CSMD1: variants seen among roughly 807,000 people sequenced by gnomAD.
CSMD1 encodes CUB and sushi domain-containing protein 1.
Under a neutral mutation model 417.5 loss-of-function variants are expected in CSMD1, and 213 were observed. The ratio of observed to expected loss-of-function variants is 0.51; its 90% CI spans 0.46 to 0.57. The LOEUF is 0.57. Ranked by LOEUF, CSMD1 falls within the 20% of genes least tolerant of loss-of-function variation. The pLI is 0.00. For synonymous variants in CSMD1, 2,862 were observed against 1,736.8 expected (o/e 1.65, Z -16.11); for missense variants, 6,923 against 4,529.7 (o/e 1.53, Z -15.17).
At chr8:3,119,985 G>C (rs900321503) in intron 41 of CSMD1, among the ~76,000 whole-genome samples, 3 of 152,172 alleles carry the variant, frequency 2.0e-5, no homozygotes, top group Non-Finnish European at 4.4e-5. Flanking sequence ...GGAGAATGAA[G>C]TGAAATGGAA....
At chr8:3,096,543 G>C (rs950240243) in intron 47 of CSMD1, among the ~76,000 whole-genome samples, 2 of 152,028 alleles carry the variant, frequency 1.3e-5, no homozygotes, top group African/African-American at 4.8e-5. Context: ...CTCCATGATT[G>C]TGAGGTCTCC....
At chr8:2,968,131 T>C (rs1286722651) in intron 57 of CSMD1, among the ~76,000 whole-genome samples, 1 of 152,198 alleles carries the variant, frequency 6.6e-6, no homozygotes, top group South Asian at 2.1e-4. Context: ...AGTTTTATGA[T>C]AACTATACTA....
At chr8:3,981,998 C>T (rs1016822437) in intron 5 of CSMD1, among the ~76,000 whole-genome samples, 12 of 151,814 alleles carry the variant, frequency 7.9e-5, no homozygotes, top group Admixed American at 2.0e-4. Context: ...GGTGAAACCC[C>T]GTCTCTACTA....
intron 1 of CSMD1, among the ~76,000 whole-genome samples, chr8:4,976,889 A>G (rs1291072143): frequency 6.6e-6 from 1 of 152,158 alleles, no homozygotes; most frequent in Non-Finnish European, 1.5e-5. Flanking sequence ...ATTGCTGGTC[A>G]GCTATAAACA....
intron 3 of CSMD1, among the ~76,000 whole-genome samples, chr8:4,378,063 T>A (rs1056965197): frequency 4.6e-5 from 7 of 152,204 alleles, no homozygotes; most frequent in Admixed American, 1.3e-4. Flanking sequence ...CACTACTCAT[T>A]CAATTACAGA....
chr8:4,804,441 T>A lies in CSMD1; in HGVS notation c.86-166883A>T, dbSNP rs1041526857. Among the ~76,000 whole-genome samples, 4 of 151,822 alleles carry A rather than the reference T, an allele frequency of 2.6e-5. No individual in the cohort carries two copies. The East Asian group carries it at 7.8e-4, about 30-fold the overall frequency. ...ATTACTGAATAAATTGCCAGTCATA[T>A]ACAGACTTCGGTGTAGATTTTTTTT... On this transcript the variant is annotated intron_variant, in intron 1 of 69. Coordinates refer to ENST00000635120, the MANE Select transcript of CSMD1 (RefSeq NM_033225.6).
chr8:4,043,766 C>G (rs1455397794), intron 3 of CSMD1, among the ~76,000 whole-genome samples: 1 of 152,150 alleles, frequency 6.6e-6, no homozygotes, highest in African/African-American at 2.4e-5. Flanking sequence ...TGAGCTCTTT[C>G]AAATGCTGGA....
chr8:4,555,399 C>T (rs1178835147), intron 2 of CSMD1, among the ~76,000 whole-genome samples: 1 of 152,098 alleles, frequency 6.6e-6, no homozygotes, highest in Non-Finnish European at 1.5e-5. Context: ...TGGGTTTCCT[C>T]TCCAGCGCAG....
At chr8:3,497,560 C>T (rs942747552) in intron 10 of CSMD1, among the ~76,000 whole-genome samples, 3 of 152,078 alleles carry the variant, frequency 2.0e-5, no homozygotes, top group African/African-American at 4.8e-5. Context: ...TCAATATACC[C>T]AGCCATTTCA....
At chr8:3,045,785 T>C (rs988651874) in intron 50 of CSMD1, among the ~76,000 whole-genome samples, 3 of 152,232 alleles carry the variant, frequency 2.0e-5, no homozygotes, top group Non-Finnish European at 1.5e-5. Flanking sequence ...ACTGTATCCA[T>C]GACCTTCACC....
chr8:4,777,518 C>G (rs1796926672), intron 1 of CSMD1, among the ~76,000 whole-genome samples: 1 of 152,158 alleles, frequency 6.6e-6, no homozygotes, highest in Non-Finnish European at 1.5e-5. Context: ...CAGTGTATAC[C>G]TGAAACATAA....
At chr8:4,932,557 G>C (rs547767052) in intron 1 of CSMD1, among the ~76,000 whole-genome samples, 1 of 152,150 alleles carries the variant, frequency 6.6e-6, no homozygotes, top group Non-Finnish European at 1.5e-5. Context: ...AGCTTGTGAC[G>C]TGTGCTCTTG....
chr8:3,281,583 A>G (rs11993053), intron 26 of CSMD1, among the ~76,000 whole-genome samples: 114,284 of 152,038 alleles, frequency 0.75, 43,345 homozygotes, highest in Admixed American at 0.84. Context: ...ACAACATGAA[A>G]GGCCACACAC....
At chr8:4,893,391 ATTTT>A (rs534037001) in intron 1 of CSMD1, among the ~76,000 whole-genome samples, 1 of 151,264 alleles carries the variant, frequency 6.6e-6, no homozygotes, top group African/African-American at 2.4e-5. Context: ...TTAATACAGA[ATTTT>A]TTTTCTTAAT....
chr8:4,123,588 T>C (rs2130951410), intron 3 of CSMD1, among the ~76,000 whole-genome samples: 1 of 152,356 alleles, frequency 6.6e-6, no homozygotes, highest in South Asian at 2.1e-4. Context: ...TTAATTTCTA[T>C]GGTTTTTATC....
chr8:3,685,189 A>C (rs140525373), intron 7 of CSMD1, among the ~76,000 whole-genome samples: 20 of 152,334 alleles, frequency 1.3e-4, no homozygotes, highest in Admixed American at 3.9e-4. Context: ...ATCAAATCCA[A>C]AGTTGCAAAA....
chr8:3,789,876 T>C (rs997904297), intron 5 of CSMD1, among the ~76,000 whole-genome samples: 87 of 152,028 alleles, frequency 5.7e-4, no homozygotes, highest in Middle Eastern at 6.8e-3. Flanking sequence ...GGACTACAGC[T>C]GCCCACCACC....
At position 4,221,795 on chromosome 8, in the gene CSMD1, A is replaced by G. The variant is rs183513529; in HGVS notation, c.416-189696T>C. ...AGAAAATATACATTCTGAAAGGTGG[A>G]CCTCCAAATCTCCTTTTCCTACTTG... On this transcript the variant is annotated intron_variant, in intron 3 of 69. Coordinates refer to ENST00000635120, the MANE Select transcript of CSMD1 (RefSeq NM_033225.6). Among the ~76,000 whole-genome samples, 673 of 152,240 alleles carry G rather than the reference A, an allele frequency of 4.4e-3. 7 individuals are homozygous for G. The highest frequency in any genetic ancestry group is 0.016 in the African/African-American group (645 of 41,530).
intron 5 of CSMD1, among the ~76,000 whole-genome samples, chr8:3,938,910 T>G (rs1335791354): frequency 2.0e-5 from 3 of 152,144 alleles, no homozygotes; most frequent in Non-Finnish European, 4.4e-5. Context: ...TGCTCAATAC[T>G]CTATCATTCT....
Sources: allele counts gnomAD v4.1 joint callset (sites outside exome capture counted in the v4.1 genomes callset), GRCh38; gene constraint gnomAD v4.1.1; transcripts MANE v1.5; gene names NCBI Gene and HGNC (gene_info 2026-07-23, HGNC 2026-07-21).